The following GNG7 variants were observed in gnomAD, a reference collection of about 807,000 sequenced individuals.
GNG7 encodes G protein subunit gamma 7.
Under a neutral mutation model 4.0 loss-of-function variants are expected in GNG7, and 1 was observed. That is an observed-to-expected ratio of 0.25 (90% CI 0.09 to 1.18). The LOEUF (loss-of-function observed/expected upper bound fraction) is 1.18, where lower values mean the gene tolerates loss of function less well. GNG7 is among the 50% of genes most tolerant of loss of function. GNG7 has a pLI of 0.50. For synonymous variants in GNG7, 34 were observed against 36.9 expected, an observed-to-expected ratio of 0.92 and a Z score of 0.29; for missense variants, 86 against 91.9, an observed-to-expected ratio of 0.94 and a Z score of 0.26.
intron 1 of GNG7, among the ~76,000 whole-genome samples, chr19:2,655,036 A>T (rs1982930131): frequency 6.6e-6 from 1 of 152,104 alleles, no homozygotes; most frequent in East Asian, 1.9e-4. Context: ...AAAAAATTTT[A>T]AAACATAGCC....
At position 2,558,360 on chromosome 19, in the gene GNG7, C is replaced by T. The variant is rs926031345; in HGVS notation, c.-77-3172G>A. 1.1e-4 allele frequency among the ~76,000 whole-genome samples: 16 copies of T among 151,858 alleles called. 1 individual carries two copies. Among genetic ancestry groups the T allele is most frequent in the African/African-American group, 3.9e-4 (16 of 41,328 alleles). ...CAAGCGATCCTCCCTCCTCAGCCTC[C>T]TGAGTAGCTGAGACTACAGCCACAT... On this transcript the variant is annotated intron_variant, in intron 2 of 4. Coordinates refer to ENST00000382159, the MANE Select transcript of GNG7 (RefSeq NM_052847.3).
At chr19:2,564,002 G>T (rs558234868) in intron 2 of GNG7, among the ~76,000 whole-genome samples, 1 of 152,226 alleles carries the variant, frequency 6.6e-6, no homozygotes, top group East Asian at 1.9e-4. Flanking sequence ...AGAAACAGCA[G>T]GGAAAAATCA....
intron 2 of GNG7, among the ~76,000 whole-genome samples, chr19:2,591,827 G>C (rs73526804): frequency 0.048 from 7,358 of 152,172 alleles, 576 homozygotes; most frequent in African/African-American, 0.17. Flanking sequence ...AGAAAAGAAA[G>C]GAATAGGTGA....
chr19:2,570,852 C>G (rs1980123154), intron 2 of GNG7, among the ~76,000 whole-genome samples: 1 of 152,170 alleles, frequency 6.6e-6, no homozygotes, highest in African/African-American at 2.4e-5. Flanking sequence ...GGCTGGAGTA[C>G]AGTGGTGCAA....
At chr19:2,648,027 CAAAAAA>C (rs56125421) in intron 1 of GNG7, among the ~76,000 whole-genome samples, 3 of 64,450 alleles carry the variant, frequency 4.7e-5, no homozygotes, top group Non-Finnish European at 8.3e-5. Context: ...GACCCTGTCT[CAAAAAA>C]AAAAAAAAAA....
chr19:2,569,422 C>T (rs994253968), intron 2 of GNG7, among the ~76,000 whole-genome samples: 1 of 152,216 alleles, frequency 6.6e-6, no homozygotes, highest in African/African-American at 2.4e-5. Context: ...ACTACAGGCG[C>T]CCGCCACCAC....
chr19:2,517,428 G>T (rs1439914198), intron 4 of GNG7, among the ~76,000 whole-genome samples: 1 of 152,086 alleles, frequency 6.6e-6, no homozygotes, highest in African/African-American at 2.4e-5. Context: ...GCAGTGGCGT[G>T]ATCTCGGCTC....
intron 2 of GNG7, among the ~76,000 whole-genome samples, chr19:2,585,292 T>A (rs1288408085): frequency 2.6e-5 from 4 of 152,204 alleles, no homozygotes; most frequent in African/African-American, 9.7e-5. Flanking sequence ...CATAATAATA[T>A]ATCTAGCATA....
intron 3 of GNG7, among the ~76,000 whole-genome samples, chr19:2,548,282 C>T (rs1979192980): frequency 6.6e-6 from 1 of 151,704 alleles, no homozygotes; most frequent in Non-Finnish European, 1.5e-5. Context: ...AGTTCGAGAC[C>T]AGCCTGGGCA....
chr19:2,590,022 G>A (rs1980792472), intron 2 of GNG7, among the ~76,000 whole-genome samples: 1 of 152,160 alleles, frequency 6.6e-6, no homozygotes, highest in African/African-American at 2.4e-5. Context: ...CTGTTGGCCA[G>A]GCTGGTCTCG....
intron 1 of GNG7, among the ~76,000 whole-genome samples, chr19:2,698,406 A>T (rs1041719103): frequency 1.3e-5 from 2 of 152,088 alleles, no homozygotes; most frequent in Non-Finnish European, 2.9e-5. Flanking sequence ...TCTACTAAAA[A>T]TATAAAAATT....
intron 4 of GNG7, among the ~76,000 whole-genome samples, chr19:2,519,346 G>A (rs1260659399): frequency 1.3e-5 from 2 of 150,926 alleles, no homozygotes; most frequent in African/African-American, 4.9e-5. Context: ...AGGAGAGACG[G>A]GGTTTCACCA....
intron 1 of GNG7, among the ~76,000 whole-genome samples, chr19:2,694,861 A>G (rs1479694946): frequency 7.9e-5 from 12 of 151,870 alleles, no homozygotes; most frequent in Admixed American, 5.2e-4. Flanking sequence ...GGTGGAGGCC[A>G]GGGACGCTGC....
intron 2 of GNG7, among the ~76,000 whole-genome samples, chr19:2,622,938 G>C (rs1040971010): frequency 1.3e-5 from 2 of 152,240 alleles, no homozygotes; most frequent in Admixed American, 6.5e-5. Flanking sequence ...CCCGGGCACG[G>C]CCACTGATAG....
intron 3 of GNG7, among the ~76,000 whole-genome samples, chr19:2,544,554 C>A (rs548062791): frequency 1.3e-5 from 2 of 152,310 alleles, no homozygotes; most frequent in East Asian, 1.9e-4. Flanking sequence ...CCACGCCCAG[C>A]TAATTTTTGC....
chr19:2,566,514 C>T (rs1448382216), intron 2 of GNG7, among the ~76,000 whole-genome samples: 1 of 152,240 alleles, frequency 6.6e-6, no homozygotes, highest in Non-Finnish European at 1.5e-5. Flanking sequence ...TAAAAGGCGT[C>T]TCAGCCTGGC....
At chr19:2,698,892 C>G (rs190695005) in intron 1 of GNG7, among the ~76,000 whole-genome samples, 27 of 152,192 alleles carry the variant, frequency 1.8e-4, no homozygotes, top group East Asian at 1.5e-3. Flanking sequence ...CCAGGGTTTA[C>G]GAAGCATGAA....
Position 2,581,703 on chromosome 19 carries a change from C to G in GNG7, c.-77-26515G>C, listed in dbSNP as rs1980510157. ...AAGATGCCTGGCCAGGCCCCATTCACTCTGCATCACCCAACAGGTGTTGAA... is the reference window on the plus strand; with the variant it reads ...AAGATGCCTGGCCAGGCCCCATTCAGTCTGCATCACCCAACAGGTGTTGAA... On this transcript the variant is annotated intron_variant, in intron 2 of 4. Coordinates refer to ENST00000382159, the MANE Select transcript of GNG7 (RefSeq NM_052847.3). Among the ~76,000 whole-genome samples the G allele has an allele frequency of 2.0e-5, 3 of 152,200 alleles. No homozygotes were observed. In the South Asian group the frequency reaches 6.2e-4, roughly 31 times the overall value.
chr19:2,678,419 C>T (rs138755587), intron 1 of GNG7, among the ~76,000 whole-genome samples: 8 of 152,088 alleles, frequency 5.3e-5, no homozygotes, highest in East Asian at 3.8e-4. Context: ...GGCTTGGGCA[C>T]GGAGTCAAAA....
Sources: gnomAD v4.1 joint callset for allele counts (sites outside exome capture counted in the v4.1 genomes callset) on GRCh38, gnomAD v4.1.1 for gene constraint, MANE v1.5 for transcripts, NCBI Gene and HGNC (gene_info 2026-07-23, HGNC 2026-07-21) for gene names.